The following TMPRSS11F variants were observed in gnomAD, a reference collection of about 807,000 sequenced individuals.
TMPRSS11F encodes transmembrane protease serine 11F.
TMPRSS11F carries 47 observed loss-of-function variants against 60.2 expected under a neutral mutation model. The ratio of observed to expected loss-of-function variants is 0.78; its 90% CI spans 0.62 to 1.00. The LOEUF (loss-of-function observed/expected upper bound fraction) is 1.00. Among genes scored for constraint, TMPRSS11F ranks in the 50% least tolerant of loss-of-function variants. The probability of loss-of-function intolerance (pLI) is 0.00; values close to 1 mark genes in which losing one functional copy is unlikely to be tolerated. For missense variants in TMPRSS11F, 519 were observed against 522.9 expected, an observed-to-expected ratio of 0.99 and a Z score of 0.07; for synonymous variants, 166 against 167.3, an observed-to-expected ratio of 0.99 and a Z score of 0.06.
chr4:68,099,177 G>A, intron 1 of TMPRSS11F, 139 bp from the exon 2 acceptor site: 1 of 664,096 alleles, frequency 1.5e-6, no homozygotes, highest in Non-Finnish European at 2.3e-6. Flanking sequence ...AGAACAGTAG[G>A]TTTTAATTTG....
intron 4 of TMPRSS11F, 30 bp from the exon 5 acceptor site, chr4:68,072,516 C>T (rs551074985): frequency 2.1e-6 from 3 of 1,434,988 alleles, no homozygotes; most frequent in Admixed American, 2.3e-5. Context: ...ATAAAAATGG[C>T]ATTTATCTAA....
chr4:68,069,807 A>C (rs1358275795), intron 6 of TMPRSS11F, among the ~76,000 whole-genome samples, 162 bp downstream of exon 6: 2 of 152,152 alleles, frequency 1.3e-5, no homozygotes, highest in South Asian at 4.1e-4. Context: ...ATAAATTTAA[A>C]TACTTAAATG....
In TMPRSS11F at chr4:68,060,373, A is replaced by G. The variant is rs186693052; in HGVS notation, c.1016-905T>C. Among the ~76,000 whole-genome samples the G allele has an allele frequency of 4.6e-3, 686 of 150,732 alleles. 7 individuals are homozygous for G. The highest frequency in any genetic ancestry group is 0.016 in the African/African-American group (665 of 41,020). ...ATACAAAAAAAAAAAAAAATTAGCC[A>G]GGCGTGATGGCGGGTGCCTGTAGTC... On this transcript the variant is annotated intron_variant, in intron 8 of 9. Transcript: ENST00000356291.
At chr4:68,088,006 G>T (rs1294672972) in intron 3 of TMPRSS11F, among the ~76,000 whole-genome samples, 1 of 151,506 alleles carries the variant, frequency 6.6e-6, no homozygotes, top group African/African-American at 2.4e-5. Flanking sequence ...TACTGAGAAT[G>T]ATGATTTCCA....
chr4:68,088,964 T>G (rs1055162112), intron 3 of TMPRSS11F, among the ~76,000 whole-genome samples: 3 of 152,008 alleles, frequency 2.0e-5, no homozygotes, highest in Non-Finnish European at 4.4e-5. Context: ...ACCATTAAGA[T>G]GACCATACTG....
chr4:68,115,356 C>CAAAAAAAAAAAAAA (rs57550471), intron 1 of TMPRSS11F, among the ~76,000 whole-genome samples: 2 of 74,690 alleles, frequency 2.7e-5, no homozygotes, highest in Non-Finnish European at 2.5e-5. Context: ...GACACCATCT[C>CAAAAAAAAAAAAAA]AAAAAAAAAA....
chr4:68,105,799 G>C (rs1483003618), intron 1 of TMPRSS11F, among the ~76,000 whole-genome samples: 1 of 151,928 alleles, frequency 6.6e-6, no homozygotes, highest in Non-Finnish European at 1.5e-5. Flanking sequence ...TGAATTTCTT[G>C]CAAAATGAAC....
chr4:68,107,298 C>T (rs1724322560), intron 1 of TMPRSS11F, among the ~76,000 whole-genome samples: 1 of 151,848 alleles, frequency 6.6e-6, no homozygotes, highest in Admixed American at 6.6e-5. Flanking sequence ...TTTATGTGTC[C>T]CAATGGAAAA....
At chr4:68,062,585 C>T in intron 8 of TMPRSS11F, 1 of 860,788 alleles carries the variant, frequency 1.2e-6, no homozygotes, top group Non-Finnish European at 2.0e-6. Flanking sequence ...TACTTGCCGT[C>T]CTTTTGACTC....
chr4:68,059,744 G>A (rs986907334), intron 8 of TMPRSS11F, among the ~76,000 whole-genome samples: 1 of 152,068 alleles, frequency 6.6e-6, no homozygotes. Context: ...TGAGGAGAGG[G>A]TCCATAGTCC....
At chr4:68,057,457 A>G (rs1349984035) in intron 9 of TMPRSS11F, among the ~76,000 whole-genome samples, 5 of 152,138 alleles carry the variant, frequency 3.3e-5, no homozygotes. Context: ...GGATTTTTGA[A>G]TATTACCTCA....
chr4:68,126,272 AT>A (rs1372389058), intron 1 of TMPRSS11F, among the ~76,000 whole-genome samples: 1 of 152,164 alleles, frequency 6.6e-6, no homozygotes, highest in East Asian at 1.9e-4. Context: ...ATATATACAT[AT>A]GTGTATAATG....
rs1266570564 is a variant in TMPRSS11F, at chr4:68,070,509, A to G, written c.515-502T>C. ...ATCTAACAGACTAGGAATTTAGTCA[A>G]TGCAGGTTGATAACCTTGTCTCCCT... On this transcript the variant is annotated intron_variant, in intron 5 of 9. Transcript: ENST00000356291. 4.6e-5 allele frequency among the ~76,000 whole-genome samples: 7 copies of G among 152,202 alleles called. No homozygotes were observed. In the East Asian group the frequency reaches 1.2e-3, roughly 25 times the overall value.
chr4:68,065,032 T>G, intron 7 of TMPRSS11F, 88 bp from the exon 8 acceptor site: 3 of 1,306,606 alleles, frequency 2.3e-6, no homozygotes, highest in East Asian at 2.4e-5. Context: ...ACTGTCAGTA[T>G]TATGCTCCTG....
chr4:68,059,549 T>C, intron 8 of TMPRSS11F, 81 bp from the exon 9 acceptor site: 4 of 1,391,232 alleles, frequency 2.9e-6, no homozygotes, highest in African/African-American at 1.4e-5. Flanking sequence ...GACACATAAA[T>C]TGTAGCAAAA....
chr4:68,069,907 A>ATAACTTT, intron 6 of TMPRSS11F, 62 bp downstream of exon 6: 1 of 1,413,078 alleles, frequency 7.1e-7, no homozygotes, highest in Non-Finnish European at 9.5e-7. Context: ...CAACTTTTCT[A>ATAACTTT]TAACTTTTTT....
chr4:68,124,336 C>T (rs1245495913), intron 1 of TMPRSS11F, among the ~76,000 whole-genome samples: 1 of 152,044 alleles, frequency 6.6e-6, no homozygotes, highest in African/African-American at 2.4e-5. Flanking sequence ...AACCCCGTCT[C>T]TACCAAAAAT....
intron 1 of TMPRSS11F, 41 bp downstream of exon 1, chr4:68,129,769 T>C: frequency 1.9e-6 from 3 of 1,605,100 alleles, no homozygotes; most frequent in Non-Finnish European, 2.6e-6. Context: ...TAAACCTCTG[T>C]CCCCACTGAT....
intron 9 of TMPRSS11F, 71 bp from the exon 10 acceptor site, chr4:68,054,138 T>C (rs182979102): frequency 5.3e-5 from 76 of 1,442,828 alleles, no homozygotes; most frequent in Admixed American, 7.9e-5. Flanking sequence ...AATCTGACGT[T>C]CACAGAGAAA....
Sources: allele counts gnomAD v4.1 joint callset (sites outside exome capture counted in the v4.1 genomes callset), GRCh38; gene constraint gnomAD v4.1.1; transcripts MANE v1.5; gene names NCBI Gene and HGNC (gene_info 2026-07-23, HGNC 2026-07-21).